The following MYO3A variants were observed in gnomAD, a reference collection of about 807,000 sequenced individuals.
MYO3A encodes the protein myosin-IIIa.
Under a neutral mutation model 192.7 loss-of-function variants are expected in MYO3A, and 180 were observed. That is an observed-to-expected ratio of 0.93 (90% CI 0.83 to 1.06). The LOEUF is 1.06. Ranked by LOEUF, MYO3A falls within the 50% of genes least tolerant of loss-of-function variation. The pLI is 0.00. For missense variants in MYO3A, 1,896 were observed against 1,905.0 expected (o/e 1.00, Z 0.09); for synonymous variants, 628 against 645.3 (o/e 0.97, Z 0.41).
chr10:26,107,348 G>T (rs998483389), intron 17 of MYO3A, among the ~76,000 whole-genome samples: 1 of 151,946 alleles, frequency 6.6e-6, no homozygotes, highest in Admixed American at 6.6e-5. Context: ...AGGCGTGGTG[G>T]CAGGCGCCTG....
At chr10:26,083,873 G>C (rs1030626471) in intron 14 of MYO3A, among the ~76,000 whole-genome samples, 18 of 152,086 alleles carry the variant, frequency 1.2e-4, no homozygotes, top group African/African-American at 4.1e-4. Flanking sequence ...ATTGTAGGTA[G>C]CTCCTGTATT....
intron 17 of MYO3A, among the ~76,000 whole-genome samples, chr10:26,115,396 CA>C (rs1475185549): frequency 1.3e-5 from 2 of 152,034 alleles, no homozygotes; most frequent in African/African-American, 4.8e-5. Context: ...TTTTAATATC[CA>C]AAGAAGGCAT....
intron 6 of MYO3A, among the ~76,000 whole-genome samples, chr10:26,007,508 T>G (rs1841307204): frequency 6.6e-6 from 1 of 152,018 alleles, no homozygotes; most frequent in Non-Finnish European, 1.5e-5. Context: ...AAAATCTGCT[T>G]AAGCTGATAA....
chr10:26,108,260 G>A (rs889083204), intron 17 of MYO3A, among the ~76,000 whole-genome samples: 7 of 152,192 alleles, frequency 4.6e-5, no homozygotes, highest in African/African-American at 1.2e-4. Flanking sequence ...AACTCTTTCC[G>A]CAATTTGTTG....
intron 33 of MYO3A, 125 bp downstream of exon 33, chr10:26,201,430 C>G: frequency 1.8e-6 from 1 of 560,850 alleles, no homozygotes; most frequent in Non-Finnish European, 3.0e-6. Context: ...CCTGTAATCC[C>G]AGAACTTTGG....
intron 4 of MYO3A, among the ~76,000 whole-genome samples, chr10:25,959,941 T>C (rs1487067446): frequency 6.6e-6 from 1 of 152,196 alleles, no homozygotes; most frequent in South Asian, 2.1e-4. Flanking sequence ...CTTTTTGCCC[T>C]GCTCCCCTCA....
intron 7 of MYO3A, among the ~76,000 whole-genome samples, chr10:26,017,699 A>G (rs12240899): frequency 0.094 from 14,330 of 151,946 alleles, 1,194 homozygotes; most frequent in African/African-American, 0.21. Context: ...TGTAAACTTA[A>G]TACAAAATAT....
chr10:26,073,501 G>A (rs1293717248), intron 14 of MYO3A, among the ~76,000 whole-genome samples: 4 of 151,662 alleles, frequency 2.6e-5, no homozygotes, highest in Non-Finnish European at 5.9e-5. Flanking sequence ...CCTGGGAGAC[G>A]TGAATGGCAT....
chr10:25,961,642 A>C lies in MYO3A; in HGVS notation c.303+6634A>C, dbSNP rs539961590. On this transcript the variant is annotated intron_variant, in intron 4 of 34. Transcript: ENST00000642920. Reference sequence around the variant, plus strand: ...CTTGAATTTACAAAGTGGAGGGAAAAAAAAGGCTAAGGAAAGCAAGAAGTT... The same window carrying C: ...CTTGAATTTACAAAGTGGAGGGAAACAAAAGGCTAAGGAAAGCAAGAAGTT... Among the ~76,000 whole-genome samples the C allele has an allele frequency of 3.9e-5, 6 of 152,192 alleles. No homozygotes were observed. The South Asian group carries it at 1.2e-3, about 32-fold the overall frequency.
At chr10:26,119,170 T>C (rs1265037749) in intron 17 of MYO3A, among the ~76,000 whole-genome samples, 2 of 152,204 alleles carry the variant, frequency 1.3e-5, no homozygotes, top group Admixed American at 6.5e-5. Flanking sequence ...CAGCCTTCCC[T>C]GACCTCCTAA....
Position 26,099,878 on chromosome 10 carries a change from T to A in MYO3A, c.1776+3196T>A, listed in dbSNP as rs1306012337. Among the ~76,000 whole-genome samples the A allele has an allele frequency of 6.6e-5, 10 of 152,226 alleles. 1 individual carries two copies. Among genetic ancestry groups the A allele is most frequent in the Admixed American group, 6.5e-4 (10 of 15,284 alleles). On this transcript the variant is annotated intron_variant, in intron 17 of 34. Coordinates refer to ENST00000642920, the MANE Select transcript of MYO3A (RefSeq NM_017433.5). ...GATATTGATCTAAAATTCTCCTTTT[T>A]TGTTGTGTCTCTCCCAGGCTTTGGT...
intron 4 of MYO3A, among the ~76,000 whole-genome samples, chr10:25,981,830 G>C (rs1839346542): frequency 6.6e-6 from 1 of 152,210 alleles, no homozygotes; most frequent in South Asian, 2.1e-4. Context: ...AGCATGTGAA[G>C]ACTCACATCA....
At chr10:26,136,546 C>T (rs1839856261) in intron 20 of MYO3A, among the ~76,000 whole-genome samples, 1 of 152,198 alleles carries the variant, frequency 6.6e-6, no homozygotes, top group Non-Finnish European at 1.5e-5. Context: ...TTGGATAAAA[C>T]TGTCAGAAGG....
chr10:25,962,130 A>C, intron 4 of MYO3A, among the ~76,000 whole-genome samples: 1 of 152,172 alleles, frequency 6.6e-6, no homozygotes, highest in East Asian at 1.9e-4. Context: ...TTCAATCCAG[A>C]GTTGAAATCC....
At chr10:26,131,200 A>G (rs1839512597) in intron 20 of MYO3A, among the ~76,000 whole-genome samples, 1 of 152,250 alleles carries the variant, frequency 6.6e-6, no homozygotes, top group Non-Finnish European at 1.5e-5. Flanking sequence ...CAGTCTGCTG[A>G]AAGCATTTTC....
intron 31 of MYO3A, among the ~76,000 whole-genome samples, chr10:26,192,057 CAG>C (rs1239228542): frequency 6.6e-6 from 1 of 152,122 alleles, no homozygotes; most frequent in Non-Finnish European, 1.5e-5. Context: ...CTTGCGCAAA[CAG>C]AGTCGGTGGA....
chr10:25,995,316 A>G (rs1203773748), intron 4 of MYO3A, among the ~76,000 whole-genome samples: 1 of 152,150 alleles, frequency 6.6e-6, no homozygotes, highest in Non-Finnish European at 1.5e-5. Context: ...AAGCTTGTGC[A>G]TTCATCATGT....
chr10:26,180,515 A>C (rs557715735), intron 31 of MYO3A, among the ~76,000 whole-genome samples: 3 of 152,332 alleles, frequency 2.0e-5, no homozygotes, highest in Non-Finnish European at 4.4e-5. Context: ...TAATGCAATA[A>C]GACAGCAAAG....
At chr10:25,949,143 A>G (rs1003534944) in intron 2 of MYO3A, among the ~76,000 whole-genome samples, 1 of 152,066 alleles carries the variant, frequency 6.6e-6, no homozygotes, top group Non-Finnish European at 1.5e-5. Flanking sequence ...ATCACTTTTT[A>G]TAATATGTTA....
Sources: allele counts gnomAD v4.1 joint callset (sites outside exome capture counted in the v4.1 genomes callset), GRCh38; gene constraint gnomAD v4.1.1; transcripts MANE v1.5; gene names NCBI Gene and HGNC (gene_info 2026-07-23, HGNC 2026-07-21).